The following SLC5A9 variants were observed in gnomAD, a reference collection of about 807,000 sequenced individuals.
SLC5A9 encodes the protein solute carrier family 5 member 9, also known as sodium/glucose cotransporter 4.
Under a neutral mutation model 70.9 loss-of-function variants are expected in SLC5A9, and 59 were observed. The observed-to-expected ratio is 0.83, with a 90% CI of 0.68 to 1.03. The LOEUF is 1.03. Ranked by LOEUF, SLC5A9 falls within the 50% of genes least tolerant of loss-of-function variation. SLC5A9 has a pLI of 0.00. For synonymous variants in SLC5A9, 340 were observed against 346.5 expected, an observed-to-expected ratio of 0.98 and a Z score of 0.21; for missense variants, 832 against 881.1, an observed-to-expected ratio of 0.94 and a Z score of 0.71.
chr1:48,232,511 G>A lies in SLC5A9; in HGVS notation c.1033+9G>A, dbSNP rs372721066. The A allele has an allele frequency of 6.8e-6, 11 of 1,613,874 alleles. No homozygotes were observed. The highest frequency in any genetic ancestry group is 4.5e-5 in the East Asian group (2 of 44,882). On this transcript the variant is annotated intron_variant, in intron 8 of 13. Coordinates refer to ENST00000438567, the MANE Select transcript of SLC5A9 (RefSeq NM_001011547.3). The stretch of plus-strand genomic sequence containing the variant: ...CCGGGCCCTGTTCCCAGGTAAGAAC[G>A]AGCCTTGCTCTCTGGGTATTGGGAT...
intron 2 of SLC5A9, among the ~76,000 whole-genome samples, chr1:48,227,657 T>A (rs1557467724): frequency 6.6e-6 from 1 of 152,100 alleles, no homozygotes. Context: ...TGTGTGTGTG[T>A]GAGTGTACAT....
At chr1:48,229,545 G>A in intron 4 of SLC5A9, 86 bp downstream of exon 4, 2 of 1,558,216 alleles carry the variant, frequency 1.3e-6, no homozygotes, top group East Asian at 2.3e-5. Flanking sequence ...TGTTGCTGAG[G>A]GGAAGCTGAC....
intron 6 of SLC5A9, 148 bp downstream of exon 6, chr1:48,231,773 AG>A: frequency 6.6e-7 from 1 of 1,506,386 alleles, no homozygotes. Context: ...CCCAAAGAGC[AG>A]GGTTCTCGCT....
rs202206960 is a variant in SLC5A9, at chr1:48,229,323, G to A, written c.368G>A (p.Trp123Ter). 2.5e-6 allele frequency: 4 copies of A among 1,614,046 alleles called. No homozygotes were observed. Among genetic ancestry groups the A allele is most frequent in the Non-Finnish European group, 3.4e-6 (4 of 1,180,048 alleles). ...NATWLLLALGWVFVPVYIAAG... is the reference protein window; with the variant it reads ...NATWLLLALG Reference sequence around the variant, plus strand: ...ACCTGGCTGCTCCTGGCCCTTGGCTGGGTCTTCGTCCCTGTGTACATCGCA... The same window carrying A: ...ACCTGGCTGCTCCTGGCCCTTGGCTAGGTCTTCGTCCCTGTGTACATCGCA... The change falls in exon 4 of 14, where the codon TGG becomes TAG. Residue 123 changes from tryptophan to a stop codon, truncating the protein, a stop_gained. Coordinates refer to ENST00000438567, the MANE Select transcript of SLC5A9 (RefSeq NM_001011547.3). LOFTEE classifies it high-confidence loss of function.
intron 13 of SLC5A9, among the ~76,000 whole-genome samples, chr1:48,245,664 T>G (rs1341732776): frequency 1.3e-5 from 2 of 152,144 alleles, no homozygotes; most frequent in Non-Finnish European, 2.9e-5. Flanking sequence ...AAAGAAAAGT[T>G]AAAAATATTT....
chr1:48,239,852 G>A lies in SLC5A9; in HGVS notation c.1677+315G>A, dbSNP rs1259452567. 6.6e-6 allele frequency among the ~76,000 whole-genome samples: 1 copy of A among 152,220 alleles called. No homozygotes were observed. The highest frequency in any genetic ancestry group is 2.4e-5 in the African/African-American group (1 of 41,446). On this transcript the variant is annotated intron_variant, in intron 12 of 13. Coordinates refer to ENST00000438567, the MANE Select transcript of SLC5A9 (RefSeq NM_001011547.3). The surrounding 1 kb of genome is among the most constrained non-coding windows in gnomAD (Gnocchi z 4.2). ...AGCTATCACTATACAAAGAGAAAGT[G>A]CAGAAGGACCAAGCTCAACCAGAGG...
Position 48,247,440 on chromosome 1 carries a change from A to G in SLC5A9, c.1943A>G (p.Lys648Arg). ...GCAGAGAAGGCTGCGCTAGAACAGA[A>G]GCTGACAAGCATTGAGGAGGAGCCA... ...SPAEKAALEQ[K>R]LTSIEEEPLW... The change falls in exon 14 of 14, where the codon AAG (lysine) becomes AGG (arginine). Residue 648 changes from lysine to arginine, a missense_variant. Coordinates refer to ENST00000438567, the MANE Select transcript of SLC5A9 (RefSeq NM_001011547.3). 1 of 1,614,194 alleles carries G rather than the reference A, an allele frequency of 6.2e-7. No individual in the cohort carries two copies. Among genetic ancestry groups the G allele is most frequent in the South Asian group, 1.1e-5 (1 of 91,088 alleles).
At chr1:48,225,326 G>A (rs1644128469) in intron 2 of SLC5A9, among the ~76,000 whole-genome samples, 1 of 152,106 alleles carries the variant, frequency 6.6e-6, no homozygotes, top group African/African-American at 2.4e-5. Context: ...AAAACTTTGT[G>A]AGCCACAGTT....
At chr1:48,237,441 A>G (rs1644341653) in intron 10 of SLC5A9, among the ~76,000 whole-genome samples, 1 of 152,048 alleles carries the variant, frequency 6.6e-6, no homozygotes, top group Non-Finnish European at 1.5e-5. Flanking sequence ...TCTAATATAT[A>G]AGTGCCACGG....
Position 48,247,409 on chromosome 1 carries a change from A to T in SLC5A9, c.1912A>T (p.Ser638Cys). Residue 638 changes from serine to cysteine, a missense_variant, in exon 14 of 14, where the codon AGC becomes TGC. Ser to Cys is a moderately radical substitution (Grantham distance 112, BLOSUM62 -1). Transcript: ENST00000438567. ...GLSGTPEQAL[S>C]PAEKAALEQK... ...CTCTGGAACACCGGAGCAGGCCCTG[A>T]GCCCAGCAGAGAAGGCTGCGCTAGA... The T allele has an allele frequency of 1.2e-6, 2 of 1,614,126 alleles. No individual in the cohort carries two copies. The highest frequency in any genetic ancestry group is 1.7e-6 in the Non-Finnish European group (2 of 1,180,028).
chr1:48,238,540 C>A (rs1441384871), intron 11 of SLC5A9: 1 of 152,230 alleles, frequency 6.6e-6, no homozygotes, highest in Non-Finnish European at 1.5e-5. Flanking sequence ...CCTTGAGAAG[C>A]TGAGGGATAT....
Position 48,235,776 on chromosome 1 carries a change from T to G in SLC5A9, c.1189T>G (p.Ser397Ala), listed in dbSNP as rs1309980923. The change falls in exon 10 of 14, where the codon TCA becomes GCA. Residue 397 changes from serine (S) to alanine (A), a missense_variant. Transcript: ENST00000438567. ...IAVIMAALMS[S>A]LTSIFNSSST... ...CGTGATCATGGCCGCTCTCATGAGC[T>G]CACTCACCTCCATCTTCAACAGCAG... 7 of 1,614,074 alleles carry G rather than the reference T, an allele frequency of 4.3e-6. No individual in the cohort carries two copies. The highest frequency in any genetic ancestry group is 5.9e-6 in the Non-Finnish European group (7 of 1,180,034).
At chr1:48,233,817 C>A in intron 9 of SLC5A9, 55 bp downstream of exon 9, 1 of 1,293,254 alleles carries the variant, frequency 7.7e-7, no homozygotes, top group Non-Finnish European at 1.1e-6. Flanking sequence ...CTCCTCCAAT[C>A]TCCACTGCCC....
intron 11 of SLC5A9, 102 bp downstream of exon 11, chr1:48,237,949 T>C: frequency 8.1e-7 from 1 of 1,238,966 alleles, no homozygotes; most frequent in Non-Finnish European, 1.1e-6. Context: ...ACTTCCCCTC[T>C]AGGCTTCCAT....
At chr1:48,229,959 T>G (rs766137767) in intron 4 of SLC5A9, among the ~76,000 whole-genome samples, 17 of 152,198 alleles carry the variant, frequency 1.1e-4, no homozygotes, top group Admixed American at 5.2e-4. Context: ...CACAAAACAA[T>G]CATGGAATGG....
intron 2 of SLC5A9, among the ~76,000 whole-genome samples, chr1:48,225,300 C>T (rs1644128237): frequency 1.3e-5 from 2 of 152,126 alleles, no homozygotes; most frequent in Admixed American, 1.3e-4. Context: ...CCAGCAATCT[C>T]AGGGAATCGA....
At chr1:48,234,000 C>T (rs1007291593) in intron 9 of SLC5A9, among the ~76,000 whole-genome samples, 1 of 152,230 alleles carries the variant, frequency 6.6e-6, no homozygotes, top group African/African-American at 2.4e-5. Flanking sequence ...AGGCATCATG[C>T]GGTCTCCAGG....
intron 5 of SLC5A9, among the ~76,000 whole-genome samples, chr1:48,231,201 G>T (rs898290753): frequency 1.3e-5 from 2 of 152,162 alleles, no homozygotes; most frequent in African/African-American, 2.4e-5. Context: ...CATTTAGATG[G>T]GCATTGGGAG....
intron 10 of SLC5A9, among the ~76,000 whole-genome samples, chr1:48,236,237 G>A (rs1644325431): frequency 6.6e-6 from 1 of 151,922 alleles, no homozygotes; most frequent in African/African-American, 2.4e-5. Flanking sequence ...GTTAAGCCCG[G>A]TTAAAAAAAA....
Sources: allele counts gnomAD v4.1 joint callset (sites outside exome capture counted in the v4.1 genomes callset), GRCh38; gene constraint gnomAD v4.1.1; non-coding constraint Gnocchi (gnomAD v3.1); transcripts MANE v1.5; gene names NCBI Gene and HGNC (gene_info 2026-07-23, HGNC 2026-07-21).